GALNTL6: variants seen among roughly 807,000 people sequenced by gnomAD.
GALNTL6 encodes polypeptide N-acetylgalactosaminyltransferase-like 6.
In GALNTL6, 46 loss-of-function variants were observed where a neutral mutation model predicts 73.7. The observed-to-expected ratio is 0.62, with a 90% CI of 0.49 to 0.80. The LOEUF (loss-of-function observed/expected upper bound fraction) is 0.80. GALNTL6 is among the 30% of genes least tolerant of loss of function. The pLI is 0.00. For synonymous variants in GALNTL6, 259 were observed against 263.7 expected (o/e 0.98, Z 0.17); for missense variants, 604 against 755.0 (o/e 0.80, Z 2.34).
chr4:171,947,057 C>T (rs1738722655), intron 2 of GALNTL6, among the ~76,000 whole-genome samples: 1 of 152,012 alleles, frequency 6.6e-6, no homozygotes, highest in African/African-American at 2.4e-5. Context: ...TGGCTATTAC[C>T]TCTTTGTTCT....
At chr4:172,711,598 A>C (rs1734708805) in intron 5 of GALNTL6, among the ~76,000 whole-genome samples, 1 of 152,118 alleles carries the variant, frequency 6.6e-6, no homozygotes, top group Non-Finnish European at 1.5e-5. Context: ...TGAACAACAA[A>C]ATGATAAGAG....
intron 2 of GALNTL6, among the ~76,000 whole-genome samples, chr4:172,206,421 A>C (rs900776793): frequency 2.0e-5 from 3 of 152,190 alleles, no homozygotes; most frequent in Non-Finnish European, 4.4e-5. Flanking sequence ...GTTATAATGA[A>C]TGTTCTTGGC....
At chr4:172,708,447 G>A (rs886538768) in intron 5 of GALNTL6, among the ~76,000 whole-genome samples, 1 of 152,140 alleles carries the variant, frequency 6.6e-6, no homozygotes, top group African/African-American at 2.4e-5. Flanking sequence ...ACAGTTTATG[G>A]TTAAGAGCAG....
At chr4:172,153,943 A>C (rs1000753819) in intron 2 of GALNTL6, among the ~76,000 whole-genome samples, 1 of 152,094 alleles carries the variant, frequency 6.6e-6, no homozygotes, top group Non-Finnish European at 1.5e-5. Context: ...CTGCCCGGGA[A>C]CATTTAAATG....
intron 10 of GALNTL6, among the ~76,000 whole-genome samples, chr4:172,972,621 C>T (rs2126410918): frequency 6.6e-6 from 1 of 152,248 alleles, no homozygotes; most frequent in East Asian, 1.9e-4. Context: ...ACTAAAGATT[C>T]ATGAAGAAAT....
chr4:171,941,449 C>T (rs925156474), intron 2 of GALNTL6, among the ~76,000 whole-genome samples: 3 of 152,170 alleles, frequency 2.0e-5, no homozygotes, highest in African/African-American at 7.2e-5. Context: ...TTTTAATTTT[C>T]TATAACATGC....
At chr4:172,546,806 A>ATACATATATATG (rs1554034205) in intron 5 of GALNTL6, among the ~76,000 whole-genome samples, 50 of 99,122 alleles carry the variant, frequency 5.0e-4, no homozygotes, top group African/African-American at 1.8e-3. Context: ...ACGTATATAT[A>ATACATATATATG]CGTATATATA....
intron 4 of GALNTL6, among the ~76,000 whole-genome samples, chr4:172,315,188 A>C (rs1346608076): frequency 6.6e-6 from 1 of 152,144 alleles, no homozygotes; most frequent in Non-Finnish European, 1.5e-5. Flanking sequence ...TCAGCTTCTT[A>C]CACTATCTGT....
chr4:171,886,543 A>G (rs1227311084), intron 2 of GALNTL6, among the ~76,000 whole-genome samples: 1 of 152,198 alleles, frequency 6.6e-6, no homozygotes, highest in Non-Finnish European at 1.5e-5. Flanking sequence ...TCACACTGAT[A>G]AAGGCATACC....
chr4:172,270,171 CTGTGTGTGTGTGTGTGTA>C (rs1738591588), intron 3 of GALNTL6, among the ~76,000 whole-genome samples: 1 of 150,262 alleles, frequency 6.7e-6, no homozygotes, highest in Non-Finnish European at 1.5e-5. Flanking sequence ...TCTCTGTCCA[CTGTGTGTGTGTGTGTGTA>C]TGTGTGTGTG....
chr4:172,059,549 A>C (rs995656326), intron 2 of GALNTL6, among the ~76,000 whole-genome samples: 2 of 152,184 alleles, frequency 1.3e-5, no homozygotes, highest in African/African-American at 4.8e-5. Flanking sequence ...TATATGAATG[A>C]GGGCAAGAAT....
At chr4:171,959,372 T>G (rs1739147954) in intron 2 of GALNTL6, among the ~76,000 whole-genome samples, 1 of 152,188 alleles carries the variant, frequency 6.6e-6, no homozygotes, top group Non-Finnish European at 1.5e-5. Context: ...TCTTAGAAAT[T>G]TATCAGCCGA....
intron 2 of GALNTL6, among the ~76,000 whole-genome samples, chr4:171,991,021 C>T (rs1218924352): frequency 6.6e-6 from 1 of 151,860 alleles, no homozygotes; most frequent in African/African-American, 2.4e-5. Context: ...TGTAGAAAAC[C>T]AAAGAAGTTC....
At chr4:172,677,376 G>A (rs1038854900) in intron 5 of GALNTL6, among the ~76,000 whole-genome samples, 7 of 152,110 alleles carry the variant, frequency 4.6e-5, no homozygotes, top group African/African-American at 1.7e-4. Flanking sequence ...TACTTCTCTC[G>A]AAGCTGTCTC....
At chr4:172,828,563 A>G (rs1401505071) in intron 7 of GALNTL6, among the ~76,000 whole-genome samples, 2 of 152,194 alleles carry the variant, frequency 1.3e-5, no homozygotes, top group African/African-American at 4.8e-5. Context: ...TTAAATTAGC[A>G]TAAAAAAAGA....
At chr4:171,816,242 A>C (rs953129702) in intron 2 of GALNTL6, 1 of 152,108 alleles carries the variant, frequency 6.6e-6, no homozygotes, top group Non-Finnish European at 1.5e-5. Context: ...AACCATCTGA[A>C]GTATTTGCTG....
chr4:171,926,941 C>T (rs74324627), intron 2 of GALNTL6, among the ~76,000 whole-genome samples: 6,451 of 151,774 alleles, frequency 0.043, 386 homozygotes, highest in African/African-American at 0.14. Context: ...GTTTTTAATC[C>T]GCCCTTAAAG....
chr4:172,406,390 A>G (rs1744237688), intron 5 of GALNTL6, among the ~76,000 whole-genome samples: 1 of 152,004 alleles, frequency 6.6e-6, no homozygotes, highest in African/African-American at 2.4e-5. Flanking sequence ...TTATAAAGTC[A>G]AAAATGCATA....
In GALNTL6 at chr4:172,650,092, C is replaced by T. The variant is rs576482942; in HGVS notation, c.554-159269C>T. 7.9e-5 allele frequency among the ~76,000 whole-genome samples: 12 copies of T among 152,222 alleles called. No individual in the cohort carries two copies. In the East Asian group the frequency reaches 9.7e-4, roughly 12 times the overall value. ...TATCTCAAAGTTGCCTGCAAACAAA[C>T]GATTTTCATGGTATAGAAAGAGGCC... is the stretch of plus-strand genomic sequence containing the variant. On this transcript the variant is annotated intron_variant, in intron 5 of 12. Coordinates refer to ENST00000506823, the MANE Select transcript of GALNTL6 (RefSeq NM_001034845.3).
Sources: gnomAD v4.1 joint callset for allele counts (sites outside exome capture counted in the v4.1 genomes callset) on GRCh38, gnomAD v4.1.1 for gene constraint, MANE v1.5 for transcripts, NCBI Gene and HGNC (gene_info 2026-07-23, HGNC 2026-07-21) for gene names.